Variants in PARD3 observed in about 807,000 individuals in gnomAD.
The protein encoded by PARD3 is par-3 family cell polarity regulator, also known as partitioning defective 3 homolog.
A neutral mutation model predicts 155.4 loss-of-function variants in PARD3; 75 were observed. The observed-to-expected ratio is 0.48, with a 90% CI of 0.40 to 0.58. The LOEUF (loss-of-function observed/expected upper bound fraction) is 0.58. Among genes scored for constraint, PARD3 ranks in the 20% least tolerant of loss-of-function variants. The probability of loss-of-function intolerance (pLI) is 0.00; values close to 1 mark genes in which losing one functional copy is unlikely to be tolerated. For missense variants in PARD3, 1,642 were observed against 1,721.7 expected (o/e 0.95, Z 0.82); for synonymous variants, 576 against 610.5 (o/e 0.94, Z 0.83).
chr10:34,237,373 T>C (rs1251578747), intron 22 of PARD3, among the ~76,000 whole-genome samples: 1 of 152,216 alleles, frequency 6.6e-6, no homozygotes, highest in Non-Finnish European at 1.5e-5. Context: ...GCATAAATGT[T>C]TACTCTCCTG....
At chr10:34,458,846 A>C (rs1053983655) in intron 4 of PARD3, among the ~76,000 whole-genome samples, 1 of 152,224 alleles carries the variant, frequency 6.6e-6, no homozygotes, top group Admixed American at 6.5e-5. Context: ...ATAAGGGCCA[A>C]CATGGCCCCT....
chr10:34,271,891 C>T (rs1589011625), intron 21 of PARD3, among the ~76,000 whole-genome samples: 2 of 152,160 alleles, frequency 1.3e-5, no homozygotes, highest in Non-Finnish European at 2.9e-5. Context: ...TCTCCATATG[C>T]TGGCAATGAA....
At chr10:34,769,139 C>T (rs1237353568) in intron 1 of PARD3, among the ~76,000 whole-genome samples, 1 of 152,300 alleles carries the variant, frequency 6.6e-6, no homozygotes, top group Non-Finnish European at 1.5e-5. Flanking sequence ...CCCTTCTGCC[C>T]CAAGTCATGC....
intron 22 of PARD3, among the ~76,000 whole-genome samples, chr10:34,254,321 G>A (rs903927044): frequency 6.6e-6 from 1 of 152,020 alleles, no homozygotes; most frequent in African/African-American, 2.4e-5. Flanking sequence ...AGAGCTTGCA[G>A]TGAGCCGAGA....
At chr10:34,513,959 T>C (rs2081555261) in intron 3 of PARD3, among the ~76,000 whole-genome samples, 2 of 152,242 alleles carry the variant, frequency 1.3e-5, no homozygotes, top group South Asian at 4.1e-4. Flanking sequence ...TGAGGAGCAA[T>C]GATTAACTAA....
At chr10:34,461,111 T>C (rs1313795202) in intron 4 of PARD3, among the ~76,000 whole-genome samples, 1 of 152,164 alleles carries the variant, frequency 6.6e-6, no homozygotes, top group African/African-American at 2.4e-5. Flanking sequence ...GCCCAGATCA[T>C]AACAGGAGCA....
intron 2 of PARD3, among the ~76,000 whole-genome samples, chr10:34,627,484 G>A (rs1293623591): frequency 6.6e-6 from 1 of 152,166 alleles, no homozygotes; most frequent in Admixed American, 6.5e-5. Flanking sequence ...GCCCTAATCC[G>A]AGATGACTAA....
rs1257298132 is a variant in PARD3 at position 34,681,748 on chromosome 10, ATATATATATATATATATATATTTTTTTT to A, written c.222+14542_222+14569del. 5.9e-3 allele frequency among the ~76,000 whole-genome samples: 93 copies of A among 15,884 alleles called. 2 individuals carry two copies. The highest frequency in any genetic ancestry group is 0.021 in the East Asian group (20 of 936). 10.4% of individuals were successfully genotyped at this position (15,884 alleles called of 152,430 possible). Reference sequence around the variant, plus strand: ...ATGTATTTTATATATATATATATATATATATATATATATATATATATTTTTTTTTTTTTTTTTTTTTTTTTTTTTTTTA... The same window carrying A: ...ATGTATTTTATATATATATATATATATTTTTTTTTTTTTTTTTTTTTTTTA... On this transcript the variant is annotated intron_variant, in intron 2 of 24. Coordinates refer to ENST00000374788, the MANE Select transcript of PARD3 (RefSeq NM_001184785.2).
At chr10:34,213,683 A>G (rs1326237661) in intron 22 of PARD3, among the ~76,000 whole-genome samples, 1 of 152,166 alleles carries the variant, frequency 6.6e-6, no homozygotes, top group Non-Finnish European at 1.5e-5. Flanking sequence ...TCAATCCTAT[A>G]GCAGAGATAA....
At chr10:34,649,435 C>G (rs1043272839) in intron 2 of PARD3, among the ~76,000 whole-genome samples, 1 of 152,218 alleles carries the variant, frequency 6.6e-6, no homozygotes, top group Non-Finnish European at 1.5e-5. Flanking sequence ...ACCTGTACAA[C>G]GTGTTATTGT....
At chr10:34,772,135 C>G (rs912220053) in intron 1 of PARD3, among the ~76,000 whole-genome samples, 4 of 152,178 alleles carry the variant, frequency 2.6e-5, no homozygotes, top group African/African-American at 9.7e-5. Context: ...GCAGAAAACC[C>G]AAGCTCACTG....
chr10:34,318,776 AT>A (rs1958179327), intron 19 of PARD3, among the ~76,000 whole-genome samples: 1 of 151,630 alleles, frequency 6.6e-6, no homozygotes, highest in Admixed American at 6.6e-5. Flanking sequence ...TATTTTTTTT[AT>A]TTTTTTGAGG....
chr10:34,791,942 T>C (rs1370499954), intron 1 of PARD3, among the ~76,000 whole-genome samples: 1 of 151,970 alleles, frequency 6.6e-6, no homozygotes, highest in Non-Finnish European at 1.5e-5. Context: ...ACAAACTGAA[T>C]GTTTTGTTAC....
chr10:34,128,190 C>G (rs775114396), intron 23 of PARD3, among the ~76,000 whole-genome samples: 20 of 152,286 alleles, frequency 1.3e-4, no homozygotes, highest in South Asian at 6.2e-4. Context: ...GCTCTTCAAA[C>G]TACAGTTGAC....
At position 34,269,691 on chromosome 10, in the gene PARD3, T is replaced by C; in HGVS notation, c.3385A>G (p.Lys1129Glu). The part of the protein sequence containing the change: ...MMDALYAQVK[K>E]PRNSKPSPVD... ...GGTGAGGGTTTGGAATTCCGCGGCT[T>C]CTTGACTTGGGCATACAAAGCATCC... Residue 1129 changes from lysine to glutamate, a missense_variant, in exon 22 of 25, where the codon AAG becomes GAG. This residue lies in a region of PARD3 where 1,529 missense variants were observed against 1,587.3 expected (regional missense o/e 0.96). Transcript: ENST00000374788. 1 of 1,614,006 alleles carries C rather than the reference T, an allele frequency of 6.2e-7. No homozygotes were observed. Among genetic ancestry groups the C allele is most frequent in the South Asian group, 1.1e-5 (1 of 91,082 alleles).
At chr10:34,262,265 T>C (rs1222100172) in intron 22 of PARD3, among the ~76,000 whole-genome samples, 1 of 152,078 alleles carries the variant, frequency 6.6e-6, no homozygotes, top group Non-Finnish European at 1.5e-5. Flanking sequence ...GTTTTTTTTT[T>C]TAAATGTTTT....
chr10:34,421,219 T>C (rs1421359538), intron 5 of PARD3, among the ~76,000 whole-genome samples: 2 of 151,988 alleles, frequency 1.3e-5, no homozygotes, highest in Admixed American at 1.3e-4. Flanking sequence ...CTTTCCAAAA[T>C]GATCCCAAGG....
At chr10:34,596,681 G>C (rs1318186256) in intron 2 of PARD3, among the ~76,000 whole-genome samples, 3 of 152,144 alleles carry the variant, frequency 2.0e-5, no homozygotes, top group Admixed American at 1.3e-4. Context: ...TGGGGACATA[G>C]AGCCAGACCA....
chr10:34,485,917 G>GT (rs2079423407), intron 3 of PARD3, among the ~76,000 whole-genome samples: 1 of 134,322 alleles, frequency 7.4e-6, no homozygotes, highest in South Asian at 2.2e-4. Flanking sequence ...AAACGTTTTG[G>GT]GTTTTTTTTT....
Sources: allele counts gnomAD v4.1 joint callset (sites outside exome capture counted in the v4.1 genomes callset), GRCh38; gene constraint gnomAD v4.1.1; regional missense constraint gnomAD v4.1.1; transcripts MANE v1.5; gene names NCBI Gene and HGNC (gene_info 2026-07-23, HGNC 2026-07-21).